Variants in RABL3 observed in about 807,000 individuals in gnomAD.
The protein encoded by RABL3 is rab-like protein 3.
RABL3 carries 31 observed loss-of-function variants against 31.8 expected under a neutral mutation model. The ratio of observed to expected loss-of-function variants is 0.97; its 90% confidence interval spans 0.73 to 1.31. The LOEUF is 1.31. Among genes scored for constraint, RABL3 ranks in the 40% most tolerant of loss-of-function variants. The probability of loss-of-function intolerance (pLI) is 0.00; values close to 1 mark genes in which losing one functional copy is unlikely to be tolerated. For synonymous variants in RABL3, 97 were observed against 99.9 expected (o/e 0.97, Z 0.18); for missense variants, 263 against 279.6 (o/e 0.94, Z 0.42).
chr3:120,735,418 G>A (rs6785380), intron 1 of RABL3, among the ~76,000 whole-genome samples: 72,934 of 151,820 alleles, frequency 0.48, 18,872 homozygotes, highest in Non-Finnish European at 0.59. Flanking sequence ...TATTGCGTCT[G>A]TTTGATTCTT....
At chr3:120,737,963 A>G (rs1708992233) in intron 1 of RABL3, among the ~76,000 whole-genome samples, 1 of 152,058 alleles carries the variant, frequency 6.6e-6, no homozygotes, top group Admixed American at 6.6e-5. Flanking sequence ...CAGTTAGGCT[A>G]CTCGGGGGTC....
intron 2 of RABL3, among the ~76,000 whole-genome samples, chr3:120,720,214 A>G (rs1576341255): frequency 6.6e-6 from 1 of 152,378 alleles, no homozygotes; most frequent in East Asian, 1.9e-4. Flanking sequence ...CCAAAGGTAG[A>G]TAAAACCACA....
intron 2 of RABL3, among the ~76,000 whole-genome samples, chr3:120,720,473 C>T (rs1708725384): frequency 6.6e-6 from 1 of 152,090 alleles, no homozygotes. Flanking sequence ...GAATAATCAA[C>T]ACAGACAAGT....
intron 2 of RABL3, among the ~76,000 whole-genome samples, chr3:120,714,749 C>A (rs1455861541): frequency 6.6e-6 from 1 of 152,082 alleles, no homozygotes; most frequent in East Asian, 1.9e-4. Flanking sequence ...CTGTTTCTTA[C>A]TAAAAATCAA....
intron 6 of RABL3, among the ~76,000 whole-genome samples, chr3:120,691,479 T>G (rs1306612126): frequency 6.6e-6 from 1 of 152,186 alleles, no homozygotes; most frequent in African/African-American, 2.4e-5. Context: ...ACATGAGCCA[T>G]TCACAACTTT....
intron 1 of RABL3, among the ~76,000 whole-genome samples, chr3:120,731,781 G>A (rs927727590): frequency 2.6e-5 from 4 of 152,180 alleles, no homozygotes; most frequent in African/African-American, 9.7e-5. Context: ...GCCAGGCACG[G>A]TGGCTCACGT....
chr3:120,735,070 G>C (rs1052444946), intron 1 of RABL3, among the ~76,000 whole-genome samples: 2 of 152,210 alleles, frequency 1.3e-5, no homozygotes, highest in African/African-American at 4.8e-5. Context: ...AAATGAGTTA[G>C]GGAGGGTTCC....
At chr3:120,712,669 T>C (rs1708625406) in intron 2 of RABL3, among the ~76,000 whole-genome samples, 2 of 152,196 alleles carry the variant, frequency 1.3e-5, no homozygotes, top group South Asian at 2.1e-4. Flanking sequence ...TCTCTTCTTC[T>C]AGACTCTGAG....
At chr3:120,706,589 C>G (rs114838435) in intron 3 of RABL3, among the ~76,000 whole-genome samples, 1 of 151,400 alleles carries the variant, frequency 6.6e-6, no homozygotes, top group Non-Finnish European at 1.5e-5. Context: ...TAATGAAAAT[C>G]TACTAAAATA....
chr3:120,715,851 A>C (rs1177106823), intron 2 of RABL3, among the ~76,000 whole-genome samples: 2 of 152,174 alleles, frequency 1.3e-5, no homozygotes, highest in African/African-American at 4.8e-5. Flanking sequence ...CTTACTAACT[A>C]TATGATCCAG....
chr3:120,696,404 C>T (rs1708437569), intron 5 of RABL3, among the ~76,000 whole-genome samples: 1 of 151,872 alleles, frequency 6.6e-6, no homozygotes, highest in Non-Finnish European at 1.5e-5. Flanking sequence ...TTTTTCTTCC[C>T]TGCATTCTCT....
intron 2 of RABL3, among the ~76,000 whole-genome samples, chr3:120,726,064 A>G (rs1708816878): frequency 6.6e-6 from 1 of 152,138 alleles, no homozygotes; most frequent in Non-Finnish European, 1.5e-5. Context: ...TGATCCTCCC[A>G]CCTGGCCTCC....
rs145664414 is a variant in RABL3 at position 120,707,754 on chromosome 3, T to C, written c.269-1640A>G. ...ACAAAGGCCTAAGTTGGCTATTAGA[T>C]GGACAGGGAAGACTTTACTGAGGAT... On this transcript the variant is annotated intron_variant, in intron 3 of 7. Coordinates refer to ENST00000273375, the MANE Select transcript of RABL3 (RefSeq NM_173825.5). Among the ~76,000 whole-genome samples, 4 of 152,218 alleles carry C rather than the reference T, an allele frequency of 2.6e-5. No individual in the cohort carries two copies. The East Asian group carries it at 7.7e-4, about 29-fold the overall frequency.
chr3:120,687,861 A>AT lies in RABL3; in HGVS notation c.*1961dup, dbSNP rs1471292527. ...ACCTAGGCTGGAGTGCAGTGACACG[A>AT]TCTTGACTCACTGCAACCTCCACCT... is the stretch of plus-strand genomic sequence containing the variant. On this transcript the variant is annotated 3_prime_UTR_variant, in exon 8 of 8. Coordinates refer to ENST00000273375, the MANE Select transcript of RABL3 (RefSeq NM_173825.5). The AT allele has an allele frequency of 6.6e-6, 1 of 151,792 alleles. No homozygotes were observed. Among genetic ancestry groups the AT allele is most frequent in the South Asian group, 2.1e-4 (1 of 4,820 alleles). 9.4% of individuals were successfully genotyped at this position (151,792 alleles called of 1,614,324 possible). A position where few individuals can be genotyped will look rare whatever the true frequency, so the allele number is the denominator to read the frequency against.
intron 2 of RABL3, among the ~76,000 whole-genome samples, chr3:120,720,846 G>T (rs1033053565): frequency 3.8e-4 from 58 of 152,080 alleles, no homozygotes; most frequent in African/African-American, 1.2e-3. Flanking sequence ...GCCACAAAGA[G>T]ACTCCTCGAG....
intron 1 of RABL3, among the ~76,000 whole-genome samples, chr3:120,737,871 C>T (rs1708990637): frequency 6.6e-6 from 1 of 152,110 alleles, no homozygotes; most frequent in Non-Finnish European, 1.5e-5. Flanking sequence ...GCTGCCTGAT[C>T]ATTCATTCCT....
At chr3:120,716,610 TATA>T (rs1366173431) in intron 2 of RABL3, among the ~76,000 whole-genome samples, 4 of 150,290 alleles carry the variant, frequency 2.7e-5, no homozygotes, top group African/African-American at 9.8e-5. Context: ...AAACTTAAAG[TATA>T]ATAATAATAA....
At chr3:120,705,048 A>G (rs1708533366) in intron 4 of RABL3, among the ~76,000 whole-genome samples, 2 of 152,196 alleles carry the variant, frequency 1.3e-5, no homozygotes, top group South Asian at 4.1e-4. Context: ...ACAAAACAAA[A>G]AAACAATTTA....
At chr3:120,724,351 T>C (rs1011935372) in intron 2 of RABL3, among the ~76,000 whole-genome samples, 23 of 152,168 alleles carry the variant, frequency 1.5e-4, no homozygotes, top group African/African-American at 5.6e-4. Context: ...GCAGAATCAA[T>C]ATCATGAAAA....
Sources: gnomAD v4.1 joint callset for allele counts (sites outside exome capture counted in the v4.1 genomes callset) on GRCh38, gnomAD v4.1.1 for gene constraint, MANE v1.5 for transcripts, NCBI Gene and HGNC (gene_info 2026-07-23, HGNC 2026-07-21) for gene names.